DMD: variants seen among roughly 807,000 people sequenced by gnomAD.
The protein encoded by DMD is mutant dystrophin.
DMD carries 63 observed loss-of-function variants against 330.1 expected under a neutral mutation model. That is an observed-to-expected ratio of 0.19 (90% CI 0.16 to 0.24). DMD has a LOEUF of 0.24. Ranked by LOEUF, DMD falls within the 10% of genes least tolerant of loss-of-function variation. The pLI is 1.00. For missense variants in DMD, 3,344 were observed against 2,684.1 expected, an observed-to-expected ratio of 1.25 and a Z score of -5.43; for synonymous variants, 1,223 against 959.8, an observed-to-expected ratio of 1.27 and a Z score of -5.07.
At chrX:33,231,307 G>A (rs1292557793) in intron 1 of DMD, among the ~76,000 whole-genome samples, 2 of 111,345 alleles carry the variant, frequency 1.8e-5, no homozygotes, top group Non-Finnish European at 3.8e-5. Flanking sequence ...CTTCTTGAGC[G>A]AACAGTCCAT....
intron 56 of DMD, among the ~76,000 whole-genome samples, chrX:31,501,392 C>T (rs1053399301): frequency 4.5e-5 from 5 of 111,987 alleles, no homozygotes; most frequent in Admixed American, 9.5e-5. Context: ...ACCCACTCAA[C>T]GGAAAATAAA....
At chrX:32,769,530 T>C (rs775236263) in intron 7 of DMD, among the ~76,000 whole-genome samples, 164 of 111,900 alleles carry the variant, frequency 1.5e-3, no homozygotes, top group Non-Finnish European at 2.6e-3. Context: ...ATATAAACTA[T>C]TGTTTTAAGC....
In DMD at chrX:31,690,932, C is replaced by T. The variant is rs764528600; in HGVS notation, c.7661-11346G>A. On this transcript the variant is annotated intron_variant, in intron 52 of 78. Coordinates refer to ENST00000357033, the MANE Select transcript of DMD (RefSeq NM_004006.3). The stretch of plus-strand genomic sequence containing the variant: ...GAATTGAACAATGAGAACACCTGGA[C>T]GCAGGAAGGGGAACATCACACACCG... 6.4e-5 allele frequency among the ~76,000 whole-genome samples: 7 copies of T among 109,582 alleles called. No homozygotes were observed. The East Asian group carries it at 8.7e-4, about 14-fold the overall frequency.
rs367690261 is a variant in DMD at position 32,818,982 on chromosome X, G to C, written c.358-2342C>G. ...TCTAGTTCTTCCTCTTTCCACTCCT[G>C]TCACCTCTGCCCTTCTACAGGTGTT... On this transcript the variant is annotated intron_variant, in intron 5 of 78. Transcript: ENST00000357033. Among the ~76,000 whole-genome samples, 115 of 100,196 alleles carry C rather than the reference G, an allele frequency of 1.1e-3. 3 individuals carry two copies. In the South Asian group the frequency reaches 0.053, roughly 46 times the overall value. The allele number at this position is 100,196 out of a possible 115,157, so 87.0% of individuals were successfully genotyped here.
At chrX:32,937,540 AC>A (rs1273117954) in intron 2 of DMD, among the ~76,000 whole-genome samples, 2 of 102,991 alleles carry the variant, frequency 1.9e-5, no homozygotes, top group African/African-American at 3.6e-5. Flanking sequence ...CTTTAACTAA[AC>A]CCCCCTGTTT....
At chrX:32,521,742 A>G (rs1165753460) in intron 17 of DMD, among the ~76,000 whole-genome samples, 1 of 112,155 alleles carries the variant, frequency 8.9e-6, no homozygotes, top group Non-Finnish European at 1.9e-5. Context: ...CCAGATCAGT[A>G]ATTAGCATCA....
intron 51 of DMD, among the ~76,000 whole-genome samples, chrX:31,735,543 T>C (rs1039660855): frequency 8.9e-6 from 1 of 112,185 alleles, no homozygotes; most frequent in Non-Finnish European, 1.9e-5. Context: ...CCTCTTAAGA[T>C]GCAATTCAAG....
chrX:31,800,019 C>T (rs1335189180), intron 50 of DMD, among the ~76,000 whole-genome samples: 1 of 112,641 alleles, frequency 8.9e-6, no homozygotes, highest in East Asian at 2.8e-4. Context: ...CAGGGTACAG[C>T]CCCCTCCCAG....
chrX:33,250,498 C>T (rs2052755966), intron 1 of DMD, among the ~76,000 whole-genome samples: 1 of 110,575 alleles, frequency 9.0e-6, no homozygotes, highest in Non-Finnish European at 1.9e-5. Flanking sequence ...CAGTACCGGT[C>T]CTTGGCCCAG....
At chrX:33,070,708 T>C (rs1047815140) in intron 1 of DMD, among the ~76,000 whole-genome samples, 13 of 92,105 alleles carry the variant, frequency 1.4e-4, no homozygotes, top group Non-Finnish European at 2.8e-4. Context: ...TATATATATA[T>C]ATGTTCATAT....
chrX:31,763,070 G>A (rs775509354), intron 51 of DMD, among the ~76,000 whole-genome samples: 1 of 112,454 alleles, frequency 8.9e-6, no homozygotes, highest in Non-Finnish European at 1.9e-5. Context: ...CATCTTTAGC[G>A]GCTATGTCAA....
At chrX:32,119,929 A>G (rs766353339) in intron 44 of DMD, among the ~76,000 whole-genome samples, 111 of 111,899 alleles carry the variant, frequency 9.9e-4, no homozygotes, top group African/African-American at 3.5e-3. Flanking sequence ...TCTTGCAATT[A>G]CTTGATTATA....
chrX:31,853,974 G>A (rs1300276221), intron 48 of DMD, among the ~76,000 whole-genome samples: 1 of 111,622 alleles, frequency 9.0e-6, no homozygotes, highest in East Asian at 2.8e-4. Flanking sequence ...TGAGAGAGTG[G>A]ACAGGTGCTG....
At chrX:31,836,645 A>G (rs1410281340) in intron 49 of DMD, 73 bp downstream of exon 49, 1 of 846,375 alleles carries the variant, frequency 1.2e-6, no homozygotes, top group Non-Finnish European at 1.8e-6. Context: ...AGTCCACGTC[A>G]ATGGCAAATG....
At chrX:32,076,766 T>A (rs2096355479) in intron 44 of DMD, among the ~76,000 whole-genome samples, 1 of 111,419 alleles carries the variant, frequency 9.0e-6, no homozygotes, top group Non-Finnish European at 1.9e-5. Context: ...TATAGTCTTG[T>A]CTGCCTCACT....
intron 16 of DMD, among the ~76,000 whole-genome samples, chrX:32,546,974 T>C (rs2049027601): frequency 8.9e-6 from 1 of 112,020 alleles, no homozygotes; most frequent in African/African-American, 3.2e-5. Context: ...GAGCATTTAC[T>C]TTGTAATTTG....
chrX:32,456,808 G>C (rs2098361280), intron 25 of DMD, among the ~76,000 whole-genome samples: 1 of 108,457 alleles, frequency 9.2e-6, no homozygotes, highest in Non-Finnish European at 1.9e-5. Flanking sequence ...TGTAATAACA[G>C]GCAAATTTCT....
At chrX:31,985,617 A>T (rs1365639004) in intron 44 of DMD, among the ~76,000 whole-genome samples, 1 of 112,573 alleles carries the variant, frequency 8.9e-6, no homozygotes, top group Non-Finnish European at 1.9e-5. Context: ...TGAGCAAATG[A>T]ATTAATTTGT....
chrX:32,696,840 AGAGT>A (rs1271513528), intron 9 of DMD, among the ~76,000 whole-genome samples: 1 of 111,225 alleles, frequency 9.0e-6, no homozygotes, highest in African/African-American at 3.3e-5. Flanking sequence ...AGAATGAGAG[AGAGT>A]GAGAAGAGAG....
Sources: allele counts gnomAD v4.1 joint callset (sites outside exome capture counted in the v4.1 genomes callset), GRCh38; gene constraint gnomAD v4.1.1; transcripts MANE v1.5; gene names NCBI Gene and HGNC (gene_info 2026-07-23, HGNC 2026-07-21).